Variants in ARHGAP28 observed in about 807,000 individuals in gnomAD.
ARHGAP28 encodes Rho GTPase activating protein 28, also known as rho GTPase-activating protein 28.
ARHGAP28 carries 56 observed loss-of-function variants against 90.7 expected under a neutral mutation model. The ratio of observed to expected loss-of-function variants is 0.62; its 90% confidence interval spans 0.50 to 0.77. The LOEUF (loss-of-function observed/expected upper bound fraction) is 0.77. Among genes scored for constraint, ARHGAP28 ranks in the 30% least tolerant of loss-of-function variants. The probability of loss-of-function intolerance (pLI) is 0.00; values close to 1 mark genes in which losing one functional copy is unlikely to be tolerated. For synonymous variants in ARHGAP28, 308 were observed against 323.3 expected, an observed-to-expected ratio of 0.95 and a Z score of 0.51; for missense variants, 869 against 900.9, an observed-to-expected ratio of 0.96 and a Z score of 0.45.
chr18:6,873,455 A>C lies in ARHGAP28; in HGVS notation c.1001A>C (p.Asp334Ala). 6.2e-7 allele frequency: 1 copy of C among 1,613,622 alleles called. No homozygotes were observed. Among genetic ancestry groups the C allele is most frequent in the Non-Finnish European group, 8.5e-7 (1 of 1,179,890 alleles). The change falls in exon 8 of 18, where the codon GAT (aspartate) becomes GCT (alanine). Residue 334 changes from aspartate to alanine, a missense_variant. Coordinates refer to ENST00000383472, the MANE Select transcript of ARHGAP28 (RefSeq NM_001366230.1). Reference sequence around the variant, plus strand: ...AGATTTGGCTTAACTGAAGCAGGAGATCTGTCTGCTGAAGACATGAAGAAA... The same window carrying C: ...AGATTTGGCTTAACTGAAGCAGGAGCTCTGTCTGCTGAAGACATGAAGAAA... Reference protein sequence around the residue: ...KTRFGLTEAGDLSAEDMKKIR... With the variant: ...KTRFGLTEAGALSAEDMKKIR...
rs543316471 is a variant in ARHGAP28 at position 6,798,917 on chromosome 18, G to A, written c.123-25845G>A. On this transcript the variant is annotated intron_variant, in intron 1 of 17. Coordinates refer to ENST00000383472, the MANE Select transcript of ARHGAP28 (RefSeq NM_001366230.1). Reference sequence around the variant, plus strand: ...CTCATGTGAAGCATGCATCATGCTAGACCCTGTGACAGACTGAGGGATGTC... The same window carrying A: ...CTCATGTGAAGCATGCATCATGCTAAACCCTGTGACAGACTGAGGGATGTC... Among the ~76,000 whole-genome samples, 133 of 152,314 alleles carry A rather than the reference G, an allele frequency of 8.7e-4. 2 individuals carry two copies. The highest frequency in any genetic ancestry group is 2.6e-3 in the African/African-American group (110 of 41,578).
At chr18:6,903,937 AT>A (rs2057351395) in intron 16 of ARHGAP28, among the ~76,000 whole-genome samples, 1 of 152,138 alleles carries the variant, frequency 6.6e-6, no homozygotes, top group Admixed American at 6.5e-5. Context: ...TTCTCTGACT[AT>A]AAAGGTATCA....
intron 2 of ARHGAP28, among the ~76,000 whole-genome samples, chr18:6,828,669 T>C (rs968768740): frequency 4.6e-5 from 7 of 152,200 alleles, no homozygotes; most frequent in Non-Finnish European, 8.8e-5. Flanking sequence ...GCACCATTTA[T>C]TGAATAGGGA....
At chr18:6,821,103 T>C (rs1450368948) in intron 1 of ARHGAP28, among the ~76,000 whole-genome samples, 1 of 152,154 alleles carries the variant, frequency 6.6e-6, no homozygotes, top group Non-Finnish European at 1.5e-5. Flanking sequence ...AACAGTAATA[T>C]AAAGGGTAGA....
At chr18:6,898,457 T>A in intron 16 of ARHGAP28, 1 of 1,608,522 alleles carries the variant, frequency 6.2e-7, no homozygotes, top group South Asian at 1.1e-5. Context: ...GGCAGCGAGC[T>A]GCACTTTCCT....
intron 17 of ARHGAP28, among the ~76,000 whole-genome samples, chr18:6,911,450 C>CTTTTT (rs10678754): frequency 0.81 from 122,769 of 151,428 alleles, 50,068 homozygotes; most frequent in Non-Finnish European, 0.86. Context: ...CTTTTCTTTT[C>CTTTTT]TTTGAGACGG....
intron 5 of ARHGAP28, among the ~76,000 whole-genome samples, chr18:6,864,522 T>A (rs1237622929): frequency 6.6e-6 from 1 of 152,220 alleles, no homozygotes; most frequent in Non-Finnish European, 1.5e-5. Flanking sequence ...CACATATACA[T>A]GCATACACAT....
rs755766787 is a variant in ARHGAP28, at chr18:6,793,705, T to A, written c.123-31057T>A. ...ACTCTCTGTGTTCATCAGTAATAGATGTGTATTGGCTTCTAATATGCTGAG... is the reference window on the plus strand; with the variant it reads ...ACTCTCTGTGTTCATCAGTAATAGAAGTGTATTGGCTTCTAATATGCTGAG... On this transcript the variant is annotated intron_variant, in intron 1 of 17. Transcript: ENST00000383472. Among the ~76,000 whole-genome samples, 3 of 152,170 alleles carry A rather than the reference T, an allele frequency of 2.0e-5. No homozygotes were observed. In the South Asian group the frequency reaches 6.2e-4, roughly 32 times the overall value.
chr18:6,814,085 G>A (rs1040449503), intron 1 of ARHGAP28, among the ~76,000 whole-genome samples: 8 of 152,252 alleles, frequency 5.3e-5, no homozygotes, highest in Non-Finnish European at 1.5e-5. Context: ...GTGACTCTAA[G>A]TGTGGAAAAA....
At chr18:6,753,846 A>G (rs1020293345) in intron 1 of ARHGAP28, among the ~76,000 whole-genome samples, 2 of 152,238 alleles carry the variant, frequency 1.3e-5, no homozygotes, top group Admixed American at 6.5e-5. Flanking sequence ...CATAAGAGAC[A>G]GAAGAGGTTG....
intron 1 of ARHGAP28, among the ~76,000 whole-genome samples, chr18:6,763,346 G>A (rs1187527790): frequency 6.6e-6 from 1 of 152,102 alleles, no homozygotes; most frequent in Non-Finnish European, 1.5e-5. Context: ...GCTTCCCAAA[G>A]TGCTTGGATT....
rs903930556 is a variant in ARHGAP28 at position 6,805,061 on chromosome 18, A to G, written c.123-19701A>G. On this transcript the variant is annotated intron_variant, in intron 1 of 17. Coordinates refer to ENST00000383472, the MANE Select transcript of ARHGAP28 (RefSeq NM_001366230.1). ...GCTGGCCTTGAACCTCTGGGCTAAC[A>G]CTGTCTTCCTGCCTCAGTCTCCTGA... 9.2e-5 allele frequency among the ~76,000 whole-genome samples: 14 copies of G among 152,118 alleles called. 1 individual carries two copies. The highest frequency in any genetic ancestry group is 6.5e-4 in the Admixed American group (10 of 15,284).
intron 1 of ARHGAP28, among the ~76,000 whole-genome samples, chr18:6,803,143 A>C (rs1452015514): frequency 6.6e-6 from 1 of 152,160 alleles, no homozygotes; most frequent in Non-Finnish European, 1.5e-5. Flanking sequence ...AAGTGGTGAG[A>C]GCAATCATCC....
At chr18:6,739,432 A>G (rs1340889104) in intron 1 of ARHGAP28, among the ~76,000 whole-genome samples, 1 of 151,842 alleles carries the variant, frequency 6.6e-6, no homozygotes, top group Non-Finnish European at 1.5e-5. Context: ...AACTCTTGTT[A>G]TCACTTGAAG....
At chr18:6,742,016 A>T (rs1033968525) in intron 1 of ARHGAP28, among the ~76,000 whole-genome samples, 3 of 152,186 alleles carry the variant, frequency 2.0e-5, no homozygotes, top group Non-Finnish European at 4.4e-5. Flanking sequence ...AAAGCTGATG[A>T]AGTCCTCAGC....
intron 1 of ARHGAP28, among the ~76,000 whole-genome samples, chr18:6,813,568 C>T (rs2056571264): frequency 6.6e-6 from 1 of 152,088 alleles, no homozygotes; most frequent in African/African-American, 2.4e-5. Flanking sequence ...AAAATATACT[C>T]AATTTGATAA....
intron 1 of ARHGAP28, among the ~76,000 whole-genome samples, chr18:6,782,165 G>T (rs2056329098): frequency 6.6e-6 from 1 of 152,102 alleles, no homozygotes; most frequent in Non-Finnish European, 1.5e-5. Context: ...CTTAGCCACT[G>T]CAACTGATGA....
At position 6,868,203 on chromosome 18, in the gene ARHGAP28, G is replaced by T. The variant is rs549946935; in HGVS notation, c.780G>T (p.Glu260Asp). Reference sequence around the variant, plus strand: ...CAGTTCATTCCAATGGATCACCGGAGCCTGGACAGCCAGTTCAGAATGCGA... The same window carrying T: ...CAGTTCATTCCAATGGATCACCGGATCCTGGACAGCCAGTTCAGAATGCGA... ...VLPVHSNGSPEPGQPVQNAIS... is the reference protein window; with the variant it reads ...VLPVHSNGSPDPGQPVQNAIS... Residue 260 changes from glutamate to aspartate, a missense_variant, in exon 6 of 18, where the codon GAG becomes GAT. Transcript: ENST00000383472. 6.2e-7 allele frequency: 1 copy of T among 1,614,054 alleles called. No individual in the cohort carries two copies. The highest frequency in any genetic ancestry group is 8.5e-7 in the Non-Finnish European group (1 of 1,180,032).
At chr18:6,751,055 C>A (rs550097159) in intron 1 of ARHGAP28, among the ~76,000 whole-genome samples, 2 of 152,076 alleles carry the variant, frequency 1.3e-5, no homozygotes, top group South Asian at 4.1e-4. Flanking sequence ...TCCCTGAAAG[C>A]AGAAGTCAGG....
Sources: allele counts gnomAD v4.1 joint callset (sites outside exome capture counted in the v4.1 genomes callset), GRCh38; gene constraint gnomAD v4.1.1; transcripts MANE v1.5; gene names NCBI Gene and HGNC (gene_info 2026-07-23, HGNC 2026-07-21).